The following COL22A1 variants were observed in gnomAD, a reference collection of about 807,000 sequenced individuals.
COL22A1 encodes the protein collagen type XXII alpha 1 chain.
A neutral mutation model predicts 248.9 loss-of-function variants in COL22A1; 221 were observed. The observed-to-expected ratio is 0.89, with a 90% confidence interval of 0.80 to 0.99. The LOEUF is 0.99. COL22A1 is among the 50% of genes least tolerant of loss of function. COL22A1 has a pLI of 0.00. For synonymous variants in COL22A1, 891 were observed against 793.4 expected (o/e 1.12, Z -2.07); for missense variants, 2,240 against 2,179.0 (o/e 1.03, Z -0.56).
rs116600820 is a variant in COL22A1, at chr8:138,769,980, T to C, written c.1803+5986A>G. On this transcript the variant is annotated intron_variant, in intron 16 of 64. Transcript: ENST00000303045. Reference sequence around the variant, plus strand: ...GCCCTGCACTTGCTCTCATAACTCATTGGATCCTTAGAGCCACTAACTGGG... The same window carrying C: ...GCCCTGCACTTGCTCTCATAACTCACTGGATCCTTAGAGCCACTAACTGGG... 1.1e-3 allele frequency among the ~76,000 whole-genome samples: 170 copies of C among 152,242 alleles called. 1 individual carries two copies. Among genetic ancestry groups the C allele is most frequent in the African/African-American group, 4.0e-3 (167 of 41,540 alleles).
At chr8:138,739,482 G>T (rs902777565) in intron 22 of COL22A1, among the ~76,000 whole-genome samples, 5 of 152,106 alleles carry the variant, frequency 3.3e-5, no homozygotes, top group Non-Finnish European at 5.9e-5. Context: ...GTCTTCTCAC[G>T]CTGCCGTAAT....
intron 17 of COL22A1, among the ~76,000 whole-genome samples, chr8:138,760,764 A>G (rs1224816566): frequency 6.6e-6 from 1 of 152,132 alleles, no homozygotes; most frequent in Non-Finnish European, 1.5e-5. Flanking sequence ...AAAGTCCCAG[A>G]AGTCTGGTGC....
intron 23 of COL22A1, among the ~76,000 whole-genome samples, chr8:138,728,067 CTG>C (rs951029597): frequency 4.6e-5 from 7 of 152,164 alleles, no homozygotes; most frequent in African/African-American, 1.7e-4. Flanking sequence ...GGGTCTTGCT[CTG>C]TTGCCCAGGC....
At chr8:138,604,988 G>C (rs114430666) in intron 58 of COL22A1, among the ~76,000 whole-genome samples, 126 of 152,250 alleles carry the variant, frequency 8.3e-4, no homozygotes, top group African/African-American at 2.8e-3. Flanking sequence ...CACGGGTTAA[G>C]AGCTCCTTGT....
intron 3 of COL22A1, among the ~76,000 whole-genome samples, chr8:138,856,785 G>A (rs1402488919): frequency 2.6e-5 from 4 of 152,190 alleles, no homozygotes; most frequent in African/African-American, 9.6e-5. Context: ...GGATGGCCCA[G>A]TGGGTCCCTT....
At chr8:138,726,645 A>G (rs1830338762) in intron 23 of COL22A1, among the ~76,000 whole-genome samples, 1 of 152,218 alleles carries the variant, frequency 6.6e-6, no homozygotes, top group Non-Finnish European at 1.5e-5. Context: ...AAGTGGGCAG[A>G]GAAGGCACCT....
intron 3 of COL22A1, among the ~76,000 whole-genome samples, chr8:138,868,794 A>C (rs913168077): frequency 1.3e-5 from 2 of 151,578 alleles, no homozygotes; most frequent in Admixed American, 6.6e-5. Context: ...ATAATGGCAC[A>C]ATCTCGGCTC....
chr8:138,664,293 A>C, intron 41 of COL22A1, among the ~76,000 whole-genome samples: 1 of 147,762 alleles, frequency 6.8e-6, no homozygotes, highest in Non-Finnish European at 1.5e-5. Flanking sequence ...GGCATCCTCC[A>C]CTGTGCCCAG....
chr8:138,748,105 T>C (rs1373454184), intron 22 of COL22A1, among the ~76,000 whole-genome samples: 3 of 152,144 alleles, frequency 2.0e-5, no homozygotes, highest in Non-Finnish European at 1.5e-5. Context: ...AATGCTCCCA[T>C]TGACTCCCAT....
intron 50 of COL22A1, among the ~76,000 whole-genome samples, chr8:138,626,862 A>G (rs1820289527): frequency 6.6e-6 from 1 of 152,192 alleles, no homozygotes; most frequent in African/African-American, 2.4e-5. Context: ...GACTTACATA[A>G]GTATCAATTA....
At chr8:138,910,118 A>C (rs1815347557) in intron 1 of COL22A1, among the ~76,000 whole-genome samples, 1 of 152,218 alleles carries the variant, frequency 6.6e-6, no homozygotes, top group African/African-American at 2.4e-5. Context: ...CTAAATAAGA[A>C]AGCTGAGGAA....
intron 4 of COL22A1, among the ~76,000 whole-genome samples, chr8:138,841,769 G>T (rs1820902308): frequency 6.6e-6 from 1 of 152,154 alleles, no homozygotes; most frequent in African/African-American, 2.4e-5. Context: ...CAGTGGTCTG[G>T]ATGGGCCTGG....
intron 12 of COL22A1, among the ~76,000 whole-genome samples, chr8:138,789,809 T>A (rs1404348995): frequency 6.6e-6 from 1 of 152,172 alleles, no homozygotes; most frequent in East Asian, 1.9e-4. Context: ...TTAAAGGAAG[T>A]CTCAGAGGCT....
chr8:138,700,589 G>A (rs1827873433), intron 31 of COL22A1, among the ~76,000 whole-genome samples: 1 of 152,200 alleles, frequency 6.6e-6, no homozygotes, highest in African/African-American at 2.4e-5. Flanking sequence ...GGGGAGAGTA[G>A]GAGAGGAGGG....
chr8:138,821,982 C>T (rs904579184), intron 6 of COL22A1, among the ~76,000 whole-genome samples: 3 of 152,150 alleles, frequency 2.0e-5, no homozygotes, highest in African/African-American at 7.2e-5. Flanking sequence ...AATGCACAGG[C>T]ATTTTGGAAT....
At chr8:138,865,539 G>A (rs1337301574) in intron 3 of COL22A1, among the ~76,000 whole-genome samples, 1 of 150,148 alleles carries the variant, frequency 6.7e-6, no homozygotes, top group African/African-American at 2.5e-5. Flanking sequence ...ACATGTTTAT[G>A]TTTGTATGCC....
intron 23 of COL22A1, among the ~76,000 whole-genome samples, chr8:138,728,367 G>A (rs1830474302): frequency 6.6e-6 from 1 of 152,058 alleles, no homozygotes; most frequent in Non-Finnish European, 1.5e-5. Flanking sequence ...AGCACCCCAA[G>A]CCCACAGAGC....
intron 47 of COL22A1, among the ~76,000 whole-genome samples, chr8:138,643,197 T>C (rs555409963): frequency 6.6e-6 from 1 of 152,176 alleles, no homozygotes; most frequent in African/African-American, 2.4e-5. Context: ...AGTAAGGAGT[T>C]CCAACATTTG....
chr8:138,715,540 G>A (rs183726721), intron 30 of COL22A1, 142 bp downstream of exon 30: 46 of 617,384 alleles, frequency 7.5e-5, no homozygotes, highest in East Asian at 4.0e-4. Context: ...CTGCACTCCC[G>A]CTTGGATGAC....
Sources: gnomAD v4.1 joint callset for allele counts (sites outside exome capture counted in the v4.1 genomes callset) on GRCh38, gnomAD v4.1.1 for gene constraint, MANE v1.5 for transcripts, NCBI Gene and HGNC (gene_info 2026-07-23, HGNC 2026-07-21) for gene names.